RPS6KA2: variants seen among roughly 807,000 people sequenced by gnomAD.
RPS6KA2 encodes the protein ribosomal protein S6 kinase alpha-2.
RPS6KA2 carries 42 observed loss-of-function variants against 91.8 expected under a neutral mutation model. The observed-to-expected ratio is 0.46, with a 90% confidence interval of 0.36 to 0.59. RPS6KA2 has a LOEUF of 0.59. RPS6KA2 is among the 20% of genes least tolerant of loss of function. The probability of loss-of-function intolerance (pLI) is 0.00; values close to 1 mark genes in which losing one functional copy is unlikely to be tolerated. For synonymous variants in RPS6KA2, 414 were observed against 393.6 expected (o/e 1.05, Z -0.61); for missense variants, 798 against 978.5 (o/e 0.82, Z 2.46).
At chr6:166,806,868 A>G (rs914482731) in intron 2 of RPS6KA2, among the ~76,000 whole-genome samples, 1 of 152,220 alleles carries the variant, frequency 6.6e-6, no homozygotes, top group Non-Finnish European at 1.5e-5. Flanking sequence ...TCAACAACTG[A>G]AAGAGGTGGT....
At chr6:166,429,298 A>AG (rs1307337544) in intron 16 of RPS6KA2, among the ~76,000 whole-genome samples, 22 of 51,720 alleles carry the variant, frequency 4.3e-4, no homozygotes, top group South Asian at 4.2e-3. Context: ...GGGTGGGGGG[A>AG]GGGGGGGAGG....
intron 2 of RPS6KA2, among the ~76,000 whole-genome samples, chr6:166,632,317 A>G (rs939967893): frequency 1.3e-5 from 2 of 152,198 alleles, no homozygotes; most frequent in Non-Finnish European, 2.9e-5. Flanking sequence ...TGTCCCTTAA[A>G]TTATGCAACT....
At chr6:166,477,992 T>A (rs1054261659) in intron 10 of RPS6KA2, among the ~76,000 whole-genome samples, 2 of 152,234 alleles carry the variant, frequency 1.3e-5, no homozygotes, top group African/African-American at 4.8e-5. Flanking sequence ...TTGGCTCTCA[T>A]GTACGTTTGG....
At chr6:166,656,040 C>T (rs1009674012) in intron 2 of RPS6KA2, among the ~76,000 whole-genome samples, 2 of 152,218 alleles carry the variant, frequency 1.3e-5, no homozygotes, top group African/African-American at 4.8e-5. Context: ...GCATGGGCTG[C>T]CTGAGTGTGC....
At chr6:166,539,578 T>G (rs893300282) in intron 1 of RPS6KA2, among the ~76,000 whole-genome samples, 1 of 152,206 alleles carries the variant, frequency 6.6e-6, no homozygotes, top group Non-Finnish European at 1.5e-5. Context: ...TCCTATAGAT[T>G]ATATTTCAGA....
At position 166,831,278 on chromosome 6, in the gene RPS6KA2, C is replaced by T. The variant is rs368868715; in HGVS notation, c.123+26922G>A. Among the ~76,000 whole-genome samples the T allele has an allele frequency of 8.5e-5, 13 of 152,294 alleles. No homozygotes were observed. In the East Asian group the frequency reaches 1.3e-3, roughly 16 times the overall value. On this transcript the variant is annotated intron_variant, in intron 2 of 21. Transcript: ENST00000503859. The stretch of plus-strand genomic sequence containing the variant: ...AGAGGCTGCTCCACGCATCCAGGAC[C>T]GGAGGCCTCACCAGGGATCCCTTCT...
rs1313342464 is a variant in RPS6KA2 at position 166,411,246 on chromosome 6, A to G, written c.*1516T>C. 1 of 151,902 alleles carries G rather than the reference A, an allele frequency of 6.6e-6. No individual in the cohort carries two copies. Among genetic ancestry groups the G allele is most frequent in the Non-Finnish European group, 1.5e-5 (1 of 67,956 alleles). 9.4% of individuals were successfully genotyped at this position (151,902 alleles called of 1,614,324 possible). ...TTTTTTTTTTTAGTTGGGTACGAGA[A>G]TCGAGATGGAGGGGGAACAAAACCC... is the stretch of plus-strand genomic sequence containing the variant. On this transcript the variant is annotated 3_prime_UTR_variant, in exon 21 of 21. Coordinates refer to ENST00000265678, the MANE Select transcript of RPS6KA2 (RefSeq NM_021135.6). This position sits in a 1 kb window ranked among gnomAD's most constrained non-coding sequence, Gnocchi z 4.5.
chr6:166,824,687 A>ATGTGTGTCTGTGCCTGTGTG (rs1779991737), intron 2 of RPS6KA2, among the ~76,000 whole-genome samples: 4 of 129,790 alleles, frequency 3.1e-5, no homozygotes, highest in Non-Finnish European at 6.4e-5. Flanking sequence ...GTGTGTCTAC[A>ATGTGTGTCTGTGCCTGTGTG]TGTGTGTCTG....
chr6:166,460,066 G>A (rs924006745), intron 11 of RPS6KA2, among the ~76,000 whole-genome samples: 28 of 152,346 alleles, frequency 1.8e-4, no homozygotes, highest in Admixed American at 5.2e-4. Context: ...GTGCTCTCTT[G>A]CCAGTGTCTC....
At position 166,756,481 on chromosome 6, in the gene RPS6KA2, C is replaced by T. The variant is rs1562421664; in HGVS notation, c.123+101719G>A. On this transcript the variant is annotated intron_variant, in intron 2 of 21. Coordinates refer to the RPS6KA2 transcript ENST00000503859. ...AGATTGTAGGAGCAATTAGCATGAC[C>T]TGGTTTGGATCCTAATCTGATGCAC... is the stretch of plus-strand genomic sequence containing the variant. 3.9e-5 allele frequency among the ~76,000 whole-genome samples: 6 copies of T among 152,270 alleles called. No homozygotes were observed. The South Asian group carries it at 1.2e-3, about 32-fold the overall frequency.
At chr6:166,588,258 C>G (rs902978056) in intron 1 of RPS6KA2, among the ~76,000 whole-genome samples, 1 of 152,178 alleles carries the variant, frequency 6.6e-6, no homozygotes, top group Admixed American at 6.5e-5. Flanking sequence ...AGCAGGTGGA[C>G]AGCAGAATCA....
chr6:166,553,627 C>G (rs916091175), intron 1 of RPS6KA2, among the ~76,000 whole-genome samples: 20 of 152,042 alleles, frequency 1.3e-4, no homozygotes, highest in South Asian at 6.2e-4. Flanking sequence ...CCCTCTTTCT[C>G]TGCTGGCTCT....
rs143542052 is a variant in RPS6KA2 at position 166,750,402 on chromosome 6, CCA to C, written c.123+107796_123+107797del. 0.012 allele frequency among the ~76,000 whole-genome samples: 1,863 copies of C among 152,264 alleles called. 151 individuals are homozygous for C. In the East Asian group the frequency reaches 0.23, roughly 18 times the overall value. ...CACGCACATCTGTGACACACTCCTC[CCA>C]CACAGTCTCCCTCAGCCCCTCTTGA... On this transcript the variant is annotated intron_variant, in intron 2 of 21. Coordinates refer to the RPS6KA2 transcript ENST00000503859.
rs1470005451 is a variant in RPS6KA2 at position 166,845,644 on chromosome 6, TA to T, written c.123+12555del. The stretch of plus-strand genomic sequence containing the variant: ...TCAACAACAAAATCAAGATGGAAAT[TA>T]AAAAATTATTTGAGCTGAACAATAA... On this transcript the variant is annotated intron_variant, in intron 2 of 21. Coordinates refer to the RPS6KA2 transcript ENST00000503859. Among the ~76,000 whole-genome samples the T allele has an allele frequency of 7.9e-5, 12 of 152,088 alleles. 1 individual carries two copies. Among genetic ancestry groups the T allele is most frequent in the Non-Finnish European group, 1.5e-4 (10 of 67,982 alleles).
intron 2 of RPS6KA2, among the ~76,000 whole-genome samples, chr6:166,829,099 C>T (rs1182384361): frequency 2.0e-5 from 3 of 152,124 alleles, no homozygotes; most frequent in African/African-American, 2.4e-5. Flanking sequence ...CTCAACATCA[C>T]GAATCATGAG....
Position 166,412,123 on chromosome 6 carries a change from C to G in RPS6KA2, c.*639G>C, listed in dbSNP as rs569075911. 1 of 152,710 alleles carries G rather than the reference C, an allele frequency of 6.5e-6. No individual in the cohort carries two copies. Among genetic ancestry groups the G allele is most frequent in the African/African-American group, 2.4e-5 (1 of 41,542 alleles). 9.5% of individuals were successfully genotyped at this position (152,710 alleles called of 1,614,324 possible). ...TGCCTTCCTCTCGTCTGGGCTCTTA[C>G]TCCTCATTTGAATCTGGGACAGAGG... On this transcript the variant is annotated 3_prime_UTR_variant, in exon 21 of 21. Transcript: ENST00000265678. This position sits in a 1 kb window ranked among gnomAD's most constrained non-coding sequence, Gnocchi z 4.3.
chr6:166,531,158 A>G, intron 3 of RPS6KA2, 74 bp downstream of exon 3: 1 of 976,740 alleles, frequency 1.0e-6, no homozygotes, highest in Non-Finnish European at 1.7e-6. Flanking sequence ...AATGGAATGA[A>G]TATTTCCTCA....
chr6:166,815,187 G>A (rs1467840176), intron 2 of RPS6KA2, among the ~76,000 whole-genome samples: 1 of 152,216 alleles, frequency 6.6e-6, no homozygotes, highest in Non-Finnish European at 1.5e-5. Flanking sequence ...TTGTGGCCAT[G>A]AAACATGAAT....
intron 8 of RPS6KA2, among the ~76,000 whole-genome samples, chr6:166,497,848 G>A (rs1034122899): frequency 2.0e-4 from 30 of 152,218 alleles, no homozygotes; most frequent in African/African-American, 5.1e-4. Context: ...TGCACAGGCC[G>A]GAGGGCGGGA....
Sources: allele counts gnomAD v4.1 joint callset (sites outside exome capture counted in the v4.1 genomes callset), GRCh38; gene constraint gnomAD v4.1.1; non-coding constraint Gnocchi (gnomAD v3.1); transcripts MANE v1.5; gene names NCBI Gene and HGNC (gene_info 2026-07-23, HGNC 2026-07-21).